Variants in CSMD1 observed in about 807,000 individuals in gnomAD.
The protein encoded by CSMD1 is CUB and sushi domain-containing protein 1.
Under a neutral mutation model 417.5 loss-of-function variants are expected in CSMD1, and 213 were observed. The observed-to-expected ratio is 0.51, with a 90% CI of 0.46 to 0.57. The LOEUF is 0.57. Ranked by LOEUF, CSMD1 falls within the 20% of genes least tolerant of loss-of-function variation. The probability of loss-of-function intolerance (pLI) is 0.00; values close to 1 mark genes in which losing one functional copy is unlikely to be tolerated. For synonymous variants in CSMD1, 2,862 were observed against 1,736.8 expected (o/e 1.65, Z -16.11); for missense variants, 6,923 against 4,529.7 (o/e 1.53, Z -15.17).
intron 60 of CSMD1, 131 bp downstream of exon 60, chr8:2,963,091 G>A (rs1803641453): frequency 2.0e-6 from 2 of 988,972 alleles, no homozygotes; most frequent in African/African-American, 1.6e-5. Flanking sequence ...TCAAGTTTGA[G>A]TTTTTGTGTA....
At chr8:4,758,094 C>A (rs141875144) in intron 1 of CSMD1, among the ~76,000 whole-genome samples, 1 of 152,074 alleles carries the variant, frequency 6.6e-6, no homozygotes, top group Non-Finnish European at 1.5e-5. Flanking sequence ...GAGAAATTTC[C>A]ACTGAAACCA....
At chr8:4,408,344 G>C (rs969821290) in intron 3 of CSMD1, among the ~76,000 whole-genome samples, 1 of 152,188 alleles carries the variant, frequency 6.6e-6, no homozygotes, top group African/African-American at 2.4e-5. Context: ...CTGGGAAGCT[G>C]TCTGGAAAGG....
chr8:3,632,046 A>T (rs181145067), intron 7 of CSMD1, among the ~76,000 whole-genome samples: 1 of 152,256 alleles, frequency 6.6e-6, no homozygotes, highest in South Asian at 2.1e-4. Context: ...CATTATTTAC[A>T]TAAGAAAGTA....
chr8:3,759,551 G>A (rs747799991), intron 5 of CSMD1, among the ~76,000 whole-genome samples: 2 of 151,936 alleles, frequency 1.3e-5, no homozygotes, highest in African/African-American at 4.8e-5. Flanking sequence ...GGGGCAAATG[G>A]TGGAAAATGG....
At chr8:4,046,904 G>T (rs990378074) in intron 3 of CSMD1, among the ~76,000 whole-genome samples, 1 of 152,018 alleles carries the variant, frequency 6.6e-6, no homozygotes, top group Non-Finnish European at 1.5e-5. Flanking sequence ...TCTAAAAATG[G>T]GCAGAGAGAG....
chr8:4,455,558 A>T (rs1799415878), intron 2 of CSMD1, among the ~76,000 whole-genome samples: 3 of 151,996 alleles, frequency 2.0e-5, no homozygotes, highest in African/African-American at 7.3e-5. Context: ...ATAGAATATG[A>T]CCTCCTGCTT....
At chr8:3,341,345 C>T (rs117479828) in intron 23 of CSMD1, among the ~76,000 whole-genome samples, 106 of 152,256 alleles carry the variant, frequency 7.0e-4, no homozygotes, top group Non-Finnish European at 1.2e-3. Context: ...ACATTGATTC[C>T]AAGCCCCTGA....
chr8:4,212,668 T>C lies in CSMD1; in HGVS notation c.416-180569A>G, dbSNP rs114344882. Among the ~76,000 whole-genome samples the C allele has an allele frequency of 5.0e-3, 748 of 150,476 alleles. 3 individuals carry two copies. The highest frequency in any genetic ancestry group is 0.017 in the Middle Eastern group (5 of 292). ...ATCAGTAAAGTACAATTTTTAAAAA[T>C]CTAAGAACAGAAATAATTAGTTATA... On this transcript the variant is annotated intron_variant, in intron 3 of 69. Coordinates refer to ENST00000635120, the MANE Select transcript of CSMD1 (RefSeq NM_033225.6).
At chr8:3,894,711 A>G (rs890001157) in intron 5 of CSMD1, among the ~76,000 whole-genome samples, 2 of 152,146 alleles carry the variant, frequency 1.3e-5, no homozygotes, top group Admixed American at 1.3e-4. Flanking sequence ...CTCCAACTAT[A>G]TGAATTAGTT....
At chr8:3,581,569 T>C (rs1283800227) in intron 9 of CSMD1, among the ~76,000 whole-genome samples, 1 of 152,166 alleles carries the variant, frequency 6.6e-6, no homozygotes, top group Non-Finnish European at 1.5e-5. Flanking sequence ...TGATCATTAC[T>C]TCAGAGTTAC....
chr8:4,628,309 G>T (rs562421022), intron 2 of CSMD1, among the ~76,000 whole-genome samples: 1 of 150,348 alleles, frequency 6.7e-6, no homozygotes, highest in South Asian at 2.1e-4. Flanking sequence ...TGCCTTTTGA[G>T]TATTAAGTTT....
chr8:3,912,905 G>A (rs896688376), intron 5 of CSMD1, among the ~76,000 whole-genome samples: 2 of 152,196 alleles, frequency 1.3e-5, no homozygotes, highest in South Asian at 4.1e-4. Flanking sequence ...CAATTAATCA[G>A]CAGCTATGGT....
At chr8:4,101,908 G>A (rs569525273) in intron 3 of CSMD1, among the ~76,000 whole-genome samples, 2 of 152,102 alleles carry the variant, frequency 1.3e-5, no homozygotes, top group Non-Finnish European at 2.9e-5. Flanking sequence ...TCCTAATAAT[G>A]TACAGCATTT....
chr8:4,476,335 G>C (rs1800803106), intron 2 of CSMD1, among the ~76,000 whole-genome samples: 1 of 152,070 alleles, frequency 6.6e-6, no homozygotes, highest in African/African-American at 2.4e-5. Flanking sequence ...TCAAATTTAG[G>C]ATCATAAGAA....
At chr8:3,419,778 C>A (rs9987081) in intron 12 of CSMD1, among the ~76,000 whole-genome samples, 1 of 152,140 alleles carries the variant, frequency 6.6e-6, no homozygotes, top group African/African-American at 2.4e-5. Context: ...AAGAAATAAT[C>A]TTCATCAATA....
chr8:4,924,722 C>CAAAAAAAA (rs60827201), intron 1 of CSMD1, among the ~76,000 whole-genome samples: 3 of 62,516 alleles, frequency 4.8e-5, no homozygotes, highest in African/African-American at 6.6e-5. Context: ...AACTCCATCT[C>CAAAAAAAA]AAAAAAAAAA....
chr8:3,476,553 G>A (rs1408841339), intron 11 of CSMD1, among the ~76,000 whole-genome samples: 1 of 152,070 alleles, frequency 6.6e-6, no homozygotes, highest in African/African-American at 2.4e-5. Flanking sequence ...TTTTCCGCTT[G>A]CAATCTCAAA....
intron 3 of CSMD1, among the ~76,000 whole-genome samples, chr8:4,388,303 T>TACACACACACAC (rs748455037): frequency 7.3e-4 from 86 of 117,210 alleles, no homozygotes; most frequent in African/African-American, 1.8e-3. Context: ...GAAACTGTGA[T>TACACACACACAC]ACACACACAC....
intron 3 of CSMD1, among the ~76,000 whole-genome samples, chr8:4,155,184 G>C (rs775992220): frequency 2.6e-5 from 4 of 152,174 alleles, no homozygotes; most frequent in South Asian, 2.1e-4. Flanking sequence ...AATTTGCCCA[G>C]GATTGTCCTT....
Sources: allele counts gnomAD v4.1 joint callset (sites outside exome capture counted in the v4.1 genomes callset), GRCh38; gene constraint gnomAD v4.1.1; transcripts MANE v1.5; gene names NCBI Gene and HGNC (gene_info 2026-07-23, HGNC 2026-07-21).